Variants in MALRD1 observed in about 807,000 individuals in gnomAD.
MALRD1 encodes MAM and LDL receptor class A domain containing 1, also known as MAM and LDL-receptor class A domain-containing protein 1.
In MALRD1, 247 loss-of-function variants were observed where a neutral mutation model predicts 242.1. That is an observed-to-expected ratio of 1.02 (90% CI 0.92 to 1.13). MALRD1 has a LOEUF of 1.13. MALRD1 is among the 50% of genes most tolerant of loss of function. MALRD1 has a pLI of 0.00. For missense variants in MALRD1, 2,989 were observed against 2,533.1 expected (o/e 1.18, Z -3.86); for synonymous variants, 995 against 866.6 (o/e 1.15, Z -2.60).
chr10:19,272,521 T>C (rs1840297724), intron 19 of MALRD1, among the ~76,000 whole-genome samples: 2 of 152,182 alleles, frequency 1.3e-5, no homozygotes, highest in African/African-American at 4.8e-5. Flanking sequence ...TATCTTTTAT[T>C]TATTTTTATT....
intron 18 of MALRD1, among the ~76,000 whole-genome samples, chr10:19,251,155 C>T (rs972780128): frequency 6.6e-6 from 1 of 151,838 alleles, no homozygotes; most frequent in African/African-American, 2.4e-5. Context: ...TGTGCAGATA[C>T]ATTAGAAAAG....
intron 12 of MALRD1, among the ~76,000 whole-genome samples, chr10:19,162,019 C>G (rs1306660766): frequency 6.7e-6 from 1 of 149,636 alleles, no homozygotes; most frequent in East Asian, 2.0e-4. Context: ...CAGAGTGAAA[C>G]TCTGTCTCAA....
intron 18 of MALRD1, among the ~76,000 whole-genome samples, chr10:19,244,627 A>T (rs1838958357): frequency 6.6e-6 from 1 of 152,150 alleles, no homozygotes; most frequent in Non-Finnish European, 1.5e-5. Flanking sequence ...AAACTAGGAG[A>T]GCTCCAAGGC....
intron 21 of MALRD1, among the ~76,000 whole-genome samples, chr10:19,293,030 G>A (rs1305189403): frequency 2.0e-5 from 3 of 151,704 alleles, no homozygotes; most frequent in Admixed American, 6.6e-5. Flanking sequence ...TTTCTGTAAC[G>A]ATAATAATTT....
chr10:19,425,581 G>A (rs12267414), intron 28 of MALRD1, among the ~76,000 whole-genome samples: 13,179 of 152,148 alleles, frequency 0.087, 759 homozygotes, highest in African/African-American at 0.16. Flanking sequence ...AACTGTTCTC[G>A]ATGGGCTGCA....
At chr10:19,605,758 A>C (rs1369061400) in intron 34 of MALRD1, among the ~76,000 whole-genome samples, 1 of 152,064 alleles carries the variant, frequency 6.6e-6, no homozygotes, top group Non-Finnish European at 1.5e-5. Flanking sequence ...TGCTTTGCCT[A>C]CTAAGTTTGA....
At chr10:19,664,918 A>G (rs753366750) in intron 36 of MALRD1, among the ~76,000 whole-genome samples, 3 of 152,142 alleles carry the variant, frequency 2.0e-5, no homozygotes, top group Admixed American at 2.0e-4. Context: ...TCATTCACCT[A>G]TCATCAAAAA....
chr10:19,104,071 C>T lies in MALRD1; in HGVS notation c.690C>T (p.Ala230=), dbSNP rs1836377861. 1.6e-6 allele frequency: 2 copies of T among 1,229,332 alleles called. No individual in the cohort carries two copies. The highest frequency in any genetic ancestry group is 4.1e-5 in the South Asian group (1 of 24,350). The allele number at this position is 1,229,332 out of a possible 1,614,324, so 76.2% of individuals were successfully genotyped here. A position where few individuals can be genotyped will look rare whatever the true frequency, so the allele number is the denominator to read the frequency against. ...DISFSSGCLP[A]NDGILLCQEA... ...CTTTCAGTTCAGGCTGCTTGCCTGCCAATGGTAAGAACTTTTTCTCTCATT... is the reference window on the plus strand; with the variant it reads ...CTTTCAGTTCAGGCTGCTTGCCTGCTAATGGTAAGAACTTTTTCTCTCATT... Residue 230 remains alanine (A), a synonymous_variant, in exon 5 of 40, where the codon GCC becomes GCT. Transcript: ENST00000454679.
chr10:19,389,360 A>G (rs912341683), intron 27 of MALRD1, 92 bp from the exon 28 acceptor site: 4 of 1,327,690 alleles, frequency 3.0e-6, no homozygotes, highest in African/African-American at 2.9e-5. Flanking sequence ...GATCATACGA[A>G]TTGTAATTAA....
chr10:19,528,009 A>G (rs1249129186), intron 31 of MALRD1, among the ~76,000 whole-genome samples: 1 of 152,186 alleles, frequency 6.6e-6, no homozygotes, highest in Non-Finnish European at 1.5e-5. Context: ...CAGTCTAGGT[A>G]TATTGGCTTT....
chr10:19,515,727 T>A (rs1833597316), intron 31 of MALRD1, among the ~76,000 whole-genome samples: 1 of 151,738 alleles, frequency 6.6e-6, no homozygotes, highest in Non-Finnish European at 1.5e-5. Context: ...GCCTGGCTAA[T>A]TTTTTTTCTT....
chr10:19,280,304 C>A, intron 20 of MALRD1, 81 bp downstream of exon 20: 1 of 1,101,240 alleles, frequency 9.1e-7, no homozygotes, highest in Non-Finnish European at 1.2e-6. Context: ...CACAGCCTAG[C>A]ATCATAGTTA....
chr10:19,189,268 G>A (rs1005781094), intron 14 of MALRD1, among the ~76,000 whole-genome samples: 6 of 152,006 alleles, frequency 3.9e-5, no homozygotes, highest in Admixed American at 2.6e-4. Context: ...CAAAGAAACA[G>A]AAAATCTGAA....
chr10:19,292,921 A>G (rs1037457077), intron 21 of MALRD1, among the ~76,000 whole-genome samples: 10 of 150,690 alleles, frequency 6.6e-5, no homozygotes, highest in Admixed American at 4.0e-4. Context: ...AAAAATGCAA[A>G]CTATGTCCCT....
chr10:19,364,429 A>C (rs11009623), intron 26 of MALRD1, among the ~76,000 whole-genome samples: 22,527 of 152,094 alleles, frequency 0.15, 1,684 homozygotes, highest in South Asian at 0.16. Flanking sequence ...CTAAAAACCA[A>C]AAGACTACAT....
At chr10:19,559,870 C>A (rs1835888135) in intron 32 of MALRD1, among the ~76,000 whole-genome samples, 1 of 152,126 alleles carries the variant, frequency 6.6e-6, no homozygotes, top group South Asian at 2.1e-4. Flanking sequence ...ATTTATGAGG[C>A]CAACAAACAT....
At chr10:19,454,405 G>GATATGTATATATATATATATATATAT in intron 29 of MALRD1, among the ~76,000 whole-genome samples, 2 of 80,530 alleles carry the variant, frequency 2.5e-5, no homozygotes, top group South Asian at 8.0e-4. Context: ...TTATGCATAT[G>GATATGTATATATATATATATATATAT]ATATATATAT....
chr10:19,400,012 T>A (rs1032203711), intron 28 of MALRD1, among the ~76,000 whole-genome samples: 2 of 152,202 alleles, frequency 1.3e-5, no homozygotes, highest in African/African-American at 4.8e-5. Context: ...TACAACTTTC[T>A]TCTGCAAATA....
intron 29 of MALRD1, among the ~76,000 whole-genome samples, chr10:19,464,736 G>A (rs944133357): frequency 2.6e-5 from 4 of 152,040 alleles, no homozygotes; most frequent in African/African-American, 9.7e-5. Context: ...GTTTTCTCTA[G>A]TTCTGTGAAA....
Sources: allele counts gnomAD v4.1 joint callset (sites outside exome capture counted in the v4.1 genomes callset), GRCh38; gene constraint gnomAD v4.1.1; transcripts MANE v1.5; gene names NCBI Gene and HGNC (gene_info 2026-07-23, HGNC 2026-07-21).